The following MATR3 variants were observed in gnomAD, a reference collection of about 807,000 sequenced individuals.
The protein encoded by MATR3 is matrin-3.
In MATR3, 4 loss-of-function variants were observed where a neutral mutation model predicts 85.5. That is an observed-to-expected ratio of 0.05 (90% CI 0.02 to 0.11). MATR3 has a LOEUF of 0.11. Ranked by LOEUF, MATR3 falls within the 10% of genes least tolerant of loss-of-function variation. The pLI, the probability that MATR3 is intolerant of heterozygous loss-of-function variation, is 1.00. For synonymous variants in MATR3, 336 were observed against 343.1 expected, an observed-to-expected ratio of 0.98 and a Z score of 0.23; for missense variants, 685 against 1,016.1, an observed-to-expected ratio of 0.67 and a Z score of 4.43.
Position 139,324,289 on chromosome 5 carries a change from T to TA in MATR3, c.2149-1151_2149-1150insA, listed in dbSNP as rs1561943871. ...GGGCAGTCATTCTTCAGAGCATGAT[T>TA]GTTTTTTTTTTTTTTTTTTTTGGAG... On this transcript the variant is annotated intron_variant, in intron 12 of 14. Coordinates refer to ENST00000394805, the MANE Select transcript of MATR3 (RefSeq NM_018834.6). Among the ~76,000 whole-genome samples the TA allele has an allele frequency of 4.8e-5, 6 of 123,788 alleles. No homozygotes were observed. The East Asian group carries it at 6.9e-4, about 14-fold the overall frequency. The allele number at this position is 123,788 out of a possible 152,430, so 81.2% of individuals were successfully genotyped here. A position where few individuals can be genotyped will look rare whatever the true frequency, so the allele number is the denominator to read the frequency against.
chr5:139,331,394 G>T lies in MATR3; in HGVS notation c.*1999G>T, dbSNP rs886060002. 2.2e-6 allele frequency: 1 copy of T among 453,968 alleles called. No homozygotes were observed. The highest frequency in any genetic ancestry group is 4.4e-6 in the Non-Finnish European group (1 of 226,796). The allele number at this position is 453,968 out of a possible 1,614,324, so 28.1% of individuals were successfully genotyped here. On this transcript the variant is annotated 3_prime_UTR_variant, in exon 15 of 15. Transcript: ENST00000394805. ...TCTTCAGTGTTTCCTTTCAGTGATG[G>T]CTTTTTCATAGCTTCAACTTTGTTG...
intron 1 of MATR3, among the ~76,000 whole-genome samples, chr5:139,301,124 G>A (rs1385754896): frequency 1.3e-5 from 2 of 151,964 alleles, no homozygotes; most frequent in African/African-American, 4.8e-5. Flanking sequence ...CTAATTTATC[G>A]AGTCTTTATG....
rs1014422976 is a variant in MATR3 at position 139,331,429 on chromosome 5, A to C, written c.*2034A>C. 1 of 454,028 alleles carries C rather than the reference A, an allele frequency of 2.2e-6. No individual in the cohort carries two copies. Among genetic ancestry groups the C allele is most frequent in the South Asian group, 1.6e-5 (1 of 64,480 alleles). The allele number at this position is 454,028 out of a possible 1,614,324, so 28.1% of individuals were successfully genotyped here. On this transcript the variant is annotated 3_prime_UTR_variant, in exon 15 of 15. Transcript: ENST00000394805. ...AGCTTCAACTTTGTTGGATTTAGCA[A>C]GTTGAAGGAAAGAATGCTATGTTTT...
intron 3 of MATR3, chr5:139,283,297 T>A (rs1384201481): frequency 1.3e-5 from 2 of 152,334 alleles, no homozygotes; most frequent in East Asian, 3.9e-4. Flanking sequence ...GTAGAACTTC[T>A]CCTTCTCAGT....
At chr5:139,276,065 CTG>C (rs1753266075) in intron 1 of MATR3, 3 of 456,730 alleles carry the variant, frequency 6.6e-6, no homozygotes, top group South Asian at 4.6e-5. Flanking sequence ...GGGAGGGACT[CTG>C]AGCTGCACAC....
At chr5:139,294,018 G>T in intron 1 of MATR3, 1 of 1,283,618 alleles carries the variant, frequency 7.8e-7, no homozygotes, top group Non-Finnish European at 9.9e-7. Flanking sequence ...CAGCCTTCTA[G>T]GGCGGCGGAG....
chr5:139,321,866 G>A, intron 9 of MATR3, 32 bp from the exon 10 acceptor site: 1 of 1,607,450 alleles, frequency 6.2e-7, no homozygotes, highest in Non-Finnish European at 8.5e-7. Flanking sequence ...AAAATATAAT[G>A]TGCTTTGTGG....
At chr5:139,293,915 T>C in intron 1 of MATR3, 110 bp downstream of exon 1, 1 of 1,177,834 alleles carries the variant, frequency 8.5e-7, no homozygotes, top group Non-Finnish European at 1.1e-6. Context: ...CGGCGCGCCT[T>C]TCTTGCTCGC....
rs1754327278 is a variant in MATR3 at position 139,299,431 on chromosome 5, TG to T, written c.-178+5629del. The stretch of plus-strand genomic sequence containing the variant: ...GTTCATGTCTATAACCTCAGCACTT[TG>T]GGAGGCTGAGGGAGGAGGATCACTT... On this transcript the variant is annotated intron_variant, in intron 1 of 14. Coordinates refer to ENST00000394805, the MANE Select transcript of MATR3 (RefSeq NM_018834.6). Among the ~76,000 whole-genome samples the T allele has an allele frequency of 2.0e-5, 3 of 152,184 alleles. No homozygotes were observed. In the South Asian group the frequency reaches 6.2e-4, roughly 32 times the overall value.
upstream of MATR3, among the ~76,000 whole-genome samples, chr5:139,291,699 C>T (rs191761495): frequency 5.3e-5 from 8 of 152,166 alleles, no homozygotes; most frequent in Non-Finnish European, 1.2e-4. Context: ...CCACCATGCC[C>T]GGTTAATTTT....
chr5:139,322,440 TC>T (rs1755619510), intron 10 of MATR3, 22 bp from the exon 11 acceptor site: 1 of 1,602,646 alleles, frequency 6.2e-7, no homozygotes, highest in Non-Finnish European at 8.5e-7. Flanking sequence ...TGTGTTAACT[TC>T]TGCAAAACTT....
upstream of MATR3, chr5:139,293,307 C>G (rs1056506434): frequency 6.6e-6 from 1 of 152,144 alleles, no homozygotes; most frequent in African/African-American, 2.4e-5. Flanking sequence ...GTATCGTTTT[C>G]CCTTTGTGGC....
Position 139,307,872 on chromosome 5 carries a change from G to T in MATR3, c.457G>T (p.Gly153Cys), listed in dbSNP as rs1561933342. ...GCTTAAAAGGAGGAGAACTGAAGAAGGCCCTACCTTGAGTTATGGTAGAGA... is the reference window on the plus strand; with the variant it reads ...GCTTAAAAGGAGGAGAACTGAAGAATGCCCTACCTTGAGTTATGGTAGAGA... ...LQLKRRRTEE[G>C]PTLSYGRDGR... The change falls in exon 2 of 15, where the codon GGC becomes TGC. Residue 153 changes from glycine (G) to cysteine (C), a missense_variant. Coordinates refer to ENST00000394805, the MANE Select transcript of MATR3 (RefSeq NM_018834.6). The surrounding 1 kb of genome is among the most constrained non-coding windows in gnomAD (Gnocchi z 4.4). The T allele has an allele frequency of 6.2e-7, 1 of 1,614,078 alleles. No homozygotes were observed. Among genetic ancestry groups the T allele is most frequent in the Non-Finnish European group, 8.5e-7 (1 of 1,180,008 alleles).
At chr5:139,287,749 A>T (rs1346306545) in intron 3 of MATR3, among the ~76,000 whole-genome samples, 1 of 152,192 alleles carries the variant, frequency 6.6e-6, no homozygotes, top group East Asian at 1.9e-4. Context: ...TCCCACACCC[A>T]AATGTGAATA....
exon 3 of MATR3, chr5:139,279,067 GAC>G (rs1399200307): frequency 2.2e-6 from 1 of 463,820 alleles, no homozygotes; most frequent in East Asian, 6.6e-5. Flanking sequence ...TCACCTGAAT[GAC>G]ATCTACCTCC....
intron 3 of MATR3, chr5:139,285,295 G>A (rs937142407): frequency 6.6e-6 from 1 of 152,174 alleles, no homozygotes; most frequent in African/African-American, 2.4e-5. Context: ...GTAGTGTGCA[G>A]TGGGTTCTGT....
chr5:139,325,644 C>G lies in MATR3; in HGVS notation c.2353C>G (p.Gln785Glu). The G allele has an allele frequency of 1.9e-6, 3 of 1,613,976 alleles. No homozygotes were observed. Among genetic ancestry groups the G allele is most frequent in the Non-Finnish European group, 1.7e-6 (2 of 1,179,832 alleles). Residue 785 changes from glutamine to glutamate, a missense_variant, in exon 13 of 15, where the codon CAG (glutamine) becomes GAG (glutamate). Transcript: ENST00000394805. Reference protein sequence around the residue: ...IPDEYRIGPYQPNVPVGIDYV... With the variant: ...IPDEYRIGPYEPNVPVGIDYV... Reference sequence around the variant, plus strand: ...AGATGAGTATAGAATTGGACCATATCAGCCCAATGTTCCTGTTGGTGAGAT... The same window carrying G: ...AGATGAGTATAGAATTGGACCATATGAGCCCAATGTTCCTGTTGGTGAGAT...
At chr5:139,294,041 G>T (rs1374421364) in intron 1 of MATR3, 7 of 1,245,188 alleles carry the variant, frequency 5.6e-6, no homozygotes, top group Non-Finnish European at 6.1e-6. Context: ...GAGCGGTCCG[G>T]GAGGGAAACA....
At chr5:139,285,032 A>T (rs1233825797) in intron 3 of MATR3, among the ~76,000 whole-genome samples, 1 of 152,214 alleles carries the variant, frequency 6.6e-6, no homozygotes, top group African/African-American at 2.4e-5. Context: ...GGTACATGTT[A>T]CTTGCCCAAA....
Sources: gnomAD v4.1 joint callset for allele counts (sites outside exome capture counted in the v4.1 genomes callset) on GRCh38, gnomAD v4.1.1 for gene constraint, Gnocchi (gnomAD v3.1) non-coding constraint, MANE v1.5 for transcripts, NCBI Gene and HGNC (gene_info 2026-07-23, HGNC 2026-07-21) for gene names.